SEMA5A: variants seen among roughly 807,000 people sequenced by gnomAD.
SEMA5A encodes the protein semaphorin-5A.
SEMA5A carries 55 observed loss-of-function variants against 135.5 expected under a neutral mutation model. The ratio of observed to expected loss-of-function variants is 0.41; its 90% CI spans 0.33 to 0.51. SEMA5A has a LOEUF of 0.51. Among genes scored for constraint, SEMA5A ranks in the 20% least tolerant of loss-of-function variants. The probability of loss-of-function intolerance (pLI) is 0.37; values close to 1 mark genes in which losing one functional copy is unlikely to be tolerated. For synonymous variants in SEMA5A, 580 were observed against 546.5 expected (o/e 1.06, Z -0.85); for missense variants, 1,290 against 1,419.9 (o/e 0.91, Z 1.47).
chr5:9,193,349 C>T (rs1357194252), intron 10 of SEMA5A, among the ~76,000 whole-genome samples: 2 of 152,158 alleles, frequency 1.3e-5, no homozygotes, highest in Non-Finnish European at 2.9e-5. Context: ...ACAGCCATTG[C>T]TCTCATGTGC....
intron 4 of SEMA5A, among the ~76,000 whole-genome samples, chr5:9,322,742 C>T (rs780310876): frequency 2.5e-4 from 38 of 152,190 alleles, no homozygotes; most frequent in Admixed American, 1.6e-3. Flanking sequence ...AACAAGCCCC[C>T]CGTGTCTTGG....
Position 9,384,527 on chromosome 5 carries a change from T to TATAG in SEMA5A, c.-77-4508_-77-4505dup, listed in dbSNP as rs10547408. On this transcript the variant is annotated intron_variant, in intron 2 of 22. Transcript: ENST00000382496. Reference sequence around the variant, plus strand: ...ATTGCCCCTGGTTGAGAACCTCTGCTATAGATAGATAGATAGATAGATAGA... The same window carrying TATAG: ...ATTGCCCCTGGTTGAGAACCTCTGCTATAGATAGATAGATAGATAGATAGATAGA... Among the ~76,000 whole-genome samples the TATAG allele has an allele frequency of 9.1e-3, 881 of 96,484 alleles. 38 individuals carry two copies. The highest frequency in any genetic ancestry group is 0.016 in the African/African-American group (374 of 23,062). 63.3% of individuals were successfully genotyped at this position (96,484 alleles called of 152,430 possible).
At chr5:9,145,802 CTTT>C (rs397935817) in intron 12 of SEMA5A, among the ~76,000 whole-genome samples, 77 of 138,932 alleles carry the variant, frequency 5.5e-4, no homozygotes, top group African/African-American at 1.9e-3. Flanking sequence ...CCACATCCAG[CTTT>C]TTTTTTTTTT....
At chr5:9,312,647 G>A (rs547698646) in intron 5 of SEMA5A, among the ~76,000 whole-genome samples, 1 of 152,242 alleles carries the variant, frequency 6.6e-6, no homozygotes, top group African/African-American at 2.4e-5. Flanking sequence ...TTCACTCAGG[G>A]TAACAGAGTA....
At chr5:9,241,804 C>T (rs1326796608) in intron 5 of SEMA5A, among the ~76,000 whole-genome samples, 1 of 151,996 alleles carries the variant, frequency 6.6e-6, no homozygotes, top group Non-Finnish European at 1.5e-5. Context: ...ATCCACAGTT[C>T]TCAGAAGTAT....
In SEMA5A at chr5:9,039,716, G is replaced by T. The variant is rs1329054746; in HGVS notation, c.*3181C>A. The T allele has an allele frequency of 2.0e-5, 3 of 152,254 alleles. No individual in the cohort carries two copies. Among genetic ancestry groups the T allele is most frequent in the Non-Finnish European group, 4.4e-5 (3 of 68,096 alleles). The allele number at this position is 152,254 out of a possible 1,614,324, so 9.4% of individuals were successfully genotyped here. ...TGAGTCTGGAGACTGTGGCTCTTCT[G>T]TGCGGTGGAGCCTGACCACGTGCCC... On this transcript the variant is annotated 3_prime_UTR_variant, in exon 23 of 23. Coordinates refer to ENST00000382496, the MANE Select transcript of SEMA5A (RefSeq NM_003966.3).
intron 1 of SEMA5A, among the ~76,000 whole-genome samples, chr5:9,480,424 C>T (rs745877371): frequency 1.3e-5 from 2 of 151,984 alleles, no homozygotes; most frequent in Non-Finnish European, 2.9e-5. Flanking sequence ...TCCTTAACTG[C>T]TGCTATTCTG....
chr5:9,344,794 C>T (rs140944332), intron 3 of SEMA5A, among the ~76,000 whole-genome samples: 438 of 152,290 alleles, frequency 2.9e-3, no homozygotes, highest in Middle Eastern at 0.017. Flanking sequence ...ATATATGAGC[C>T]TCTACTATTT....
chr5:9,108,483 G>A lies in SEMA5A; in HGVS notation c.1926-196C>T, dbSNP rs376094212. ...CCATGCTGTGTGTGCACAGACAATG[G>A]GATGCATGGCAGACAATGAAGAAAA... is the stretch of plus-strand genomic sequence containing the variant. On this transcript the variant is annotated intron_variant, in intron 15 of 22. Coordinates refer to ENST00000382496, the MANE Select transcript of SEMA5A (RefSeq NM_003966.3). Among the ~76,000 whole-genome samples the A allele has an allele frequency of 2.0e-5, 3 of 152,252 alleles. No individual in the cohort carries two copies. The East Asian group carries it at 5.8e-4, about 29-fold the overall frequency.
chr5:9,181,779 G>A (rs1422760020), intron 11 of SEMA5A, among the ~76,000 whole-genome samples: 2 of 152,040 alleles, frequency 1.3e-5, no homozygotes, highest in South Asian at 2.1e-4. Context: ...CCCATGACAG[G>A]TGCAAAACTG....
At chr5:9,191,177 A>G (rs531744335) in intron 10 of SEMA5A, among the ~76,000 whole-genome samples, 3 of 152,220 alleles carry the variant, frequency 2.0e-5, no homozygotes, top group Non-Finnish European at 4.4e-5. Flanking sequence ...GAGAGTAGAA[A>G]GGAATAAAGA....
At chr5:9,248,779 C>T (rs776571831) in intron 5 of SEMA5A, among the ~76,000 whole-genome samples, 5 of 152,002 alleles carry the variant, frequency 3.3e-5, no homozygotes, top group Non-Finnish European at 4.4e-5. Context: ...GGCAGCCACC[C>T]GAAGCCAAAA....
chr5:9,160,140 C>G (rs1743172392), intron 11 of SEMA5A, among the ~76,000 whole-genome samples: 1 of 152,126 alleles, frequency 6.6e-6, no homozygotes, highest in African/African-American at 2.4e-5. Flanking sequence ...TGTAACAAAT[C>G]TGCACATTCT....
At chr5:9,054,699 A>C (rs1012783954) in intron 18 of SEMA5A, among the ~76,000 whole-genome samples, 2 of 152,134 alleles carry the variant, frequency 1.3e-5, no homozygotes, top group Non-Finnish European at 2.9e-5. Flanking sequence ...ACTTAAAGCC[A>C]AGGTAAGTAG....
chr5:9,205,196 T>C (rs902162929), intron 8 of SEMA5A, among the ~76,000 whole-genome samples: 2 of 152,164 alleles, frequency 1.3e-5, no homozygotes, highest in African/African-American at 4.8e-5. Flanking sequence ...ACAGTCATCT[T>C]TCCATGGAGA....
chr5:9,300,766 G>T (rs1267239891), intron 5 of SEMA5A, among the ~76,000 whole-genome samples: 1 of 152,150 alleles, frequency 6.6e-6, no homozygotes, highest in Non-Finnish European at 1.5e-5. Context: ...AAAGTTCAGG[G>T]CTATATTAGA....
chr5:9,480,720 C>G (rs1037140941), intron 1 of SEMA5A, among the ~76,000 whole-genome samples: 5 of 152,260 alleles, frequency 3.3e-5, no homozygotes, highest in African/African-American at 9.6e-5. Context: ...GTGCCTCACA[C>G]AGAACAGATC....
chr5:9,310,780 A>G (rs1752089235), intron 5 of SEMA5A, among the ~76,000 whole-genome samples: 1 of 139,602 alleles, frequency 7.2e-6, no homozygotes, highest in African/African-American at 2.5e-5. Context: ...TGGCAACTAA[A>G]GATTCATAGT....
At chr5:9,265,715 G>A (rs965252572) in intron 5 of SEMA5A, among the ~76,000 whole-genome samples, 2 of 152,160 alleles carry the variant, frequency 1.3e-5, no homozygotes, top group African/African-American at 4.8e-5. Context: ...AAGTTCAAGT[G>A]AGCTGTCCAC....
Sources: gnomAD v4.1 joint callset for allele counts (sites outside exome capture counted in the v4.1 genomes callset) on GRCh38, gnomAD v4.1.1 for gene constraint, MANE v1.5 for transcripts, NCBI Gene and HGNC (gene_info 2026-07-23, HGNC 2026-07-21) for gene names.